Variants in PRKCE observed in about 807,000 individuals in gnomAD.
PRKCE encodes protein kinase C epsilon type.
Under a neutral mutation model 85.4 loss-of-function variants are expected in PRKCE, and 16 were observed. That is an observed-to-expected ratio of 0.19 (90% CI 0.13 to 0.28). The LOEUF is 0.28. PRKCE is among the 10% of genes least tolerant of loss of function. The pLI is 1.00. For missense variants in PRKCE, 573 were observed against 975.2 expected (o/e 0.59, Z 5.49); for synonymous variants, 388 against 371.5 (o/e 1.04, Z -0.51).
At position 46,007,613 on chromosome 2, in the gene PRKCE, G is replaced by A. The variant is rs766976228; in HGVS notation, c.1215G>A (p.Leu405=). The A allele has an allele frequency of 5.0e-6, 8 of 1,599,798 alleles. No homozygotes were observed. In the Admixed American group the frequency reaches 1.3e-4, roughly 27 times the overall value. ...AAGGCCAGGCCAAGCGCCTGGGCCTGGATGAGTTCAACTTCATCAAGGTGT... is the reference window on the plus strand; with the variant it reads ...AAGGCCAGGCCAAGCGCCTGGGCCTAGATGAGTTCAACTTCATCAAGGTGT... The part of the protein sequence containing the change: ...VRQGQAKRLG[L]DEFNFIKVLG... The change falls in exon 9 of 15, where the codon CTG becomes CTA. Residue 405 remains leucine, a synonymous_variant. Transcript: ENST00000306156.
At chr2:45,686,378 T>G (rs1290062675) in intron 1 of PRKCE, 1 of 152,186 alleles carries the variant, frequency 6.6e-6, no homozygotes, top group Non-Finnish European at 1.5e-5. Context: ...TACTACTGCC[T>G]TTATTCACCA....
intron 10 of PRKCE, among the ~76,000 whole-genome samples, chr2:46,026,169 G>C (rs981242330): frequency 6.6e-5 from 10 of 152,174 alleles, no homozygotes; most frequent in African/African-American, 2.4e-4. Flanking sequence ...GTAGGAAATG[G>C]TACTAACAGT....
At chr2:46,119,836 G>A (rs1031340728) in intron 11 of PRKCE, among the ~76,000 whole-genome samples, 1 of 152,186 alleles carries the variant, frequency 6.6e-6, no homozygotes, top group South Asian at 2.1e-4. Flanking sequence ...TTTGGCTTCA[G>A]GATTCTCAAC....
At position 45,712,666 on chromosome 2, in the gene PRKCE, C is replaced by T. The variant is rs545488993; in HGVS notation, c.348+60218C>T. On this transcript the variant is annotated intron_variant, in intron 1 of 14. Transcript: ENST00000306156. ...ACCTCTGGGGCCTGGACAGGCCATT[C>T]CCTTTGCCTGGAAGGGCCTTTTGCC... Among the ~76,000 whole-genome samples, 4 of 152,304 alleles carry T rather than the reference C, an allele frequency of 2.6e-5. No individual in the cohort carries two copies. The South Asian group carries it at 6.2e-4, about 24-fold the overall frequency.
At chr2:45,751,707 A>AT (rs1683572652) in intron 1 of PRKCE, among the ~76,000 whole-genome samples, 1 of 151,790 alleles carries the variant, frequency 6.6e-6, no homozygotes, top group Non-Finnish European at 1.5e-5. Context: ...CCCAAGCAAC[A>AT]TTTTTCAAAA....
At chr2:45,897,619 G>A (rs1019796081) in intron 2 of PRKCE, among the ~76,000 whole-genome samples, 2 of 152,146 alleles carry the variant, frequency 1.3e-5, no homozygotes, top group African/African-American at 4.8e-5. Context: ...AAGAGGAGAT[G>A]GCACCCCATT....
At chr2:45,801,645 G>A (rs1427753492) in intron 1 of PRKCE, among the ~76,000 whole-genome samples, 2 of 152,188 alleles carry the variant, frequency 1.3e-5, no homozygotes, top group African/African-American at 4.8e-5. Flanking sequence ...GATGGGGAGT[G>A]CAGTTTGAGA....
At chr2:45,975,762 G>C (rs1249586008) in intron 2 of PRKCE, among the ~76,000 whole-genome samples, 1 of 152,210 alleles carries the variant, frequency 6.6e-6, no homozygotes, top group Non-Finnish European at 1.5e-5. Context: ...TTTGACTCCA[G>C]TGGGATCTTT....
At chr2:45,990,196 C>G (rs1255662086) in intron 6 of PRKCE, among the ~76,000 whole-genome samples, 1 of 152,208 alleles carries the variant, frequency 6.6e-6, no homozygotes, top group Non-Finnish European at 1.5e-5. Context: ...GAAAACTCAA[C>G]TGGAAGAGGA....
rs1300776049 is a variant in PRKCE, at chr2:45,904,359, C to T, written c.412+61296C>T. ...CCTGTGCTGAACACTATGGGGGTGG[C>T]ACGTGCCCATCCAGGGCAAATCACA... On this transcript the variant is annotated intron_variant, in intron 2 of 14. Coordinates refer to ENST00000306156, the MANE Select transcript of PRKCE (RefSeq NM_005400.3). Among the ~76,000 whole-genome samples, 5 of 151,976 alleles carry T rather than the reference C, an allele frequency of 3.3e-5. 1 individual carries two copies. Among genetic ancestry groups the T allele is most frequent in the African/African-American group, 1.2e-4 (5 of 41,342 alleles).
intron 14 of PRKCE, among the ~76,000 whole-genome samples, chr2:46,182,492 CAG>C (rs1680089285): frequency 1.3e-5 from 2 of 152,184 alleles, no homozygotes; most frequent in Admixed American, 1.3e-4. Flanking sequence ...TTTCCCATCT[CAG>C]GGGCATCATG....
rs777350477 is a variant in PRKCE, at chr2:45,979,018, G to A, written c.607+8G>A. ...AGGGATACCAGTGTCAAGGTAAGAG[G>A]CATTTATGAATTAAATCTTCAGAGG... On this transcript the variant is annotated splice_region_variant and intron_variant, in intron 4 of 14. Coordinates refer to ENST00000306156, the MANE Select transcript of PRKCE (RefSeq NM_005400.3). 6.3e-6 allele frequency: 10 copies of A among 1,598,576 alleles called. No homozygotes were observed. In the African/African-American group the frequency reaches 6.7e-5, roughly 11 times the overall value.
chr2:45,850,508 T>G (rs1305878354), intron 2 of PRKCE, among the ~76,000 whole-genome samples: 1 of 152,260 alleles, frequency 6.6e-6, no homozygotes, highest in African/African-American at 2.4e-5. Context: ...TCTTCATGAT[T>G]TGGCTTAAAA....
chr2:45,959,435 A>G (rs575796769), intron 2 of PRKCE, among the ~76,000 whole-genome samples: 4 of 152,346 alleles, frequency 2.6e-5, no homozygotes, highest in African/African-American at 9.6e-5. Context: ...CAGATTTTCC[A>G]TAATAAGTTT....
chr2:45,704,017 C>T (rs11899394), intron 1 of PRKCE, among the ~76,000 whole-genome samples: 6,086 of 152,270 alleles, frequency 0.04, 254 homozygotes, highest in East Asian at 0.15. Context: ...TTATTTCACC[C>T]ATTCATCTAT....
intron 11 of PRKCE, among the ~76,000 whole-genome samples, chr2:46,096,252 G>A (rs533959475): frequency 6.1e-4 from 93 of 152,296 alleles, no homozygotes; most frequent in African/African-American, 1.3e-3. Context: ...AAACCTCTCT[G>A]GACTGCTTTG....
chr2:46,064,832 A>G (rs965675971), intron 10 of PRKCE, among the ~76,000 whole-genome samples: 3 of 152,202 alleles, frequency 2.0e-5, no homozygotes, highest in African/African-American at 7.2e-5. Flanking sequence ...CTTGATGCTC[A>G]TCCATGGCCT....
At chr2:46,025,989 C>A (rs562540914) in intron 10 of PRKCE, among the ~76,000 whole-genome samples, 1 of 152,298 alleles carries the variant, frequency 6.6e-6, no homozygotes, top group Admixed American at 6.5e-5. Flanking sequence ...TAGGCAGAAG[C>A]AAACTGGGGC....
intron 1 of PRKCE, among the ~76,000 whole-genome samples, chr2:45,690,521 T>A (rs1453527202): frequency 6.6e-6 from 1 of 152,242 alleles, no homozygotes; most frequent in Non-Finnish European, 1.5e-5. Context: ...TTGTTGTTCC[T>A]GTTGGTGACT....
Sources: allele counts gnomAD v4.1 joint callset (sites outside exome capture counted in the v4.1 genomes callset), GRCh38; gene constraint gnomAD v4.1.1; transcripts MANE v1.5; gene names NCBI Gene and HGNC (gene_info 2026-07-23, HGNC 2026-07-21).